SOX5: variants seen among roughly 807,000 people sequenced by gnomAD.
SOX5 encodes SRY-box transcription factor 5.
A neutral mutation model predicts 92.0 loss-of-function variants in SOX5; 9 were observed. The ratio of observed to expected loss-of-function variants is 0.10; its 90% CI spans 0.06 to 0.17. SOX5 has a LOEUF of 0.17. Among genes scored for constraint, SOX5 ranks in the 10% least tolerant of loss-of-function variants. The pLI is 1.00. For synonymous variants in SOX5, 344 were observed against 336.3 expected (o/e 1.02, Z -0.25); for missense variants, 642 against 944.5 (o/e 0.68, Z 4.20).
chr12:24,093,943 T>G (rs1569540275), intron 4 of SOX5, among the ~76,000 whole-genome samples: 12 of 152,160 alleles, frequency 7.9e-5, no homozygotes. Context: ...GTGTATCTTT[T>G]TTTGTTTGTT....
At chr12:24,028,209 T>C (rs1498871) in intron 4 of SOX5, among the ~76,000 whole-genome samples, 2,420 of 152,064 alleles carry the variant, frequency 0.016, 43 homozygotes, top group African/African-American at 0.055. Flanking sequence ...CATGTACTTA[T>C]AAGGTGACCA....
intron 4 of SOX5, among the ~76,000 whole-genome samples, chr12:24,050,178 T>C (rs1199626681): frequency 6.6e-6 from 1 of 152,010 alleles, no homozygotes; most frequent in African/African-American, 2.4e-5. Flanking sequence ...TGAGGTTTCT[T>C]AAAATGTGGA....
intron 2 of SOX5, among the ~76,000 whole-genome samples, chr12:24,353,713 T>C (rs1954419926): frequency 6.6e-6 from 1 of 152,094 alleles, no homozygotes; most frequent in South Asian, 2.1e-4. Context: ...GGATCTTGGC[T>C]CACTGCAACC....
intron 3 of SOX5, among the ~76,000 whole-genome samples, chr12:23,808,685 T>G (rs1016634019): frequency 6.6e-6 from 1 of 152,186 alleles, no homozygotes. Flanking sequence ...CATAGTTTTA[T>G]GGATTAGGAT....
At chr12:23,867,501 T>C (rs983344090) in intron 2 of SOX5, among the ~76,000 whole-genome samples, 1 of 152,164 alleles carries the variant, frequency 6.6e-6, no homozygotes, top group Non-Finnish European at 1.5e-5. Flanking sequence ...AGTTTAAAAT[T>C]CTATGGATCT....
At chr12:23,873,341 T>A (rs1346233385) in intron 2 of SOX5, among the ~76,000 whole-genome samples, 1 of 151,770 alleles carries the variant, frequency 6.6e-6, no homozygotes, top group African/African-American at 2.4e-5. Context: ...GGCATGGTGG[T>A]ACACACCTGC....
intron 1 of SOX5, among the ~76,000 whole-genome samples, chr12:23,929,972 G>A (rs185123095): frequency 6.6e-6 from 1 of 151,930 alleles, no homozygotes; most frequent in East Asian, 1.9e-4. Context: ...CAAAACCAAA[G>A]CTTCCCTACA....
chr12:24,107,565 C>A (rs1197314617), intron 4 of SOX5, among the ~76,000 whole-genome samples: 1 of 152,064 alleles, frequency 6.6e-6, no homozygotes, highest in Non-Finnish European at 1.5e-5. Flanking sequence ...ACATAAAACC[C>A]AAAAAACAGC....
chr12:23,998,630 C>T (rs1427785838), intron 4 of SOX5, among the ~76,000 whole-genome samples: 1 of 151,414 alleles, frequency 6.6e-6, no homozygotes, highest in South Asian at 2.1e-4. Context: ...TGATGAAACC[C>T]CATCTCTACT....
chr12:23,963,434 A>T (rs35579342), intron 4 of SOX5, among the ~76,000 whole-genome samples: 1 of 152,192 alleles, frequency 6.6e-6, no homozygotes, highest in Non-Finnish European at 1.5e-5. Context: ...TTTCCCTCAC[A>T]TATCTGCAGT....
At chr12:23,736,477 A>T (rs570500539) in intron 5 of SOX5, among the ~76,000 whole-genome samples, 4 of 152,168 alleles carry the variant, frequency 2.6e-5, no homozygotes, top group African/African-American at 7.2e-5. Flanking sequence ...TAATAAAAAA[A>T]AAAATCTCTT....
At chr12:24,229,769 C>T (rs926042973) in intron 3 of SOX5, among the ~76,000 whole-genome samples, 4 of 152,052 alleles carry the variant, frequency 2.6e-5, no homozygotes, top group African/African-American at 4.8e-5. Context: ...TGGTTGTGAC[C>T]CGGCTAATAG....
At chr12:24,447,382 G>C (rs1941643631) in intron 1 of SOX5, among the ~76,000 whole-genome samples, 1 of 152,116 alleles carries the variant, frequency 6.6e-6, no homozygotes, top group South Asian at 2.1e-4. Context: ...CAGACTGAGG[G>C]ACATTCTAAA....
intron 4 of SOX5, among the ~76,000 whole-genome samples, chr12:23,959,924 T>C (rs2139994890): frequency 6.6e-6 from 1 of 152,302 alleles, no homozygotes; most frequent in African/African-American, 2.4e-5. Context: ...TAATTTGTTT[T>C]CTCCCTTGCA....
chr12:23,531,758 A>C lies in SOX5; in HGVS notation c.*2461T>G, dbSNP rs1036151630. ...TTAAATAACTAAAATGAGTGATGAG[A>C]GCATAAGTTAATTAAGATTGAACAC... On this transcript the variant is annotated 3_prime_UTR_variant, in exon 15 of 15. Coordinates refer to ENST00000451604, the MANE Select transcript of SOX5 (RefSeq NM_006940.6). 6.6e-6 allele frequency: 1 copy of C among 152,108 alleles called. No individual in the cohort carries two copies. Among genetic ancestry groups the C allele is most frequent in the African/African-American group, 2.4e-5 (1 of 41,414 alleles). 9.4% of individuals were successfully genotyped at this position (152,108 alleles called of 1,614,324 possible). A position where few individuals can be genotyped will look rare whatever the true frequency, so the allele number is the denominator to read the frequency against.
chr12:24,330,147 A>T (rs944504806), intron 2 of SOX5, among the ~76,000 whole-genome samples: 16 of 151,694 alleles, frequency 1.1e-4, no homozygotes, highest in African/African-American at 3.6e-4. Context: ...TACCTTCAAC[A>T]AAAAAGAAGA....
At chr12:24,252,104 G>A (rs927365911) in intron 3 of SOX5, among the ~76,000 whole-genome samples, 1 of 152,064 alleles carries the variant, frequency 6.6e-6, no homozygotes, top group Non-Finnish European at 1.5e-5. Context: ...GAAATGGTGG[G>A]AAAAGAAAGA....
intron 5 of SOX5, among the ~76,000 whole-genome samples, chr12:23,736,568 G>A (rs1448407735): frequency 2.6e-5 from 4 of 152,068 alleles, no homozygotes; most frequent in South Asian, 2.1e-4. Context: ...GATGAGGATG[G>A]ATGTACCTGG....
intron 1 of SOX5, among the ~76,000 whole-genome samples, chr12:24,401,496 G>A (rs1401608174): frequency 6.6e-6 from 1 of 151,720 alleles, no homozygotes; most frequent in Non-Finnish European, 1.5e-5. Flanking sequence ...GATCACTCGA[G>A]GCCAGGAGTT....
Sources: gnomAD v4.1 joint callset for allele counts (sites outside exome capture counted in the v4.1 genomes callset) on GRCh38, gnomAD v4.1.1 for gene constraint, MANE v1.5 for transcripts, NCBI Gene and HGNC (gene_info 2026-07-23, HGNC 2026-07-21) for gene names.